ZPBP: variants seen among roughly 807,000 people sequenced by gnomAD.
ZPBP encodes zona pellucida-binding protein 1.
A neutral mutation model predicts 44.8 loss-of-function variants in ZPBP; 26 were observed. The ratio of observed to expected loss-of-function variants is 0.58; its 90% CI spans 0.43 to 0.81. The LOEUF (loss-of-function observed/expected upper bound fraction) is 0.81. Ranked by LOEUF, ZPBP falls within the 30% of genes least tolerant of loss-of-function variation. The pLI is 0.00. For missense variants in ZPBP, 409 were observed against 434.0 expected (o/e 0.94, Z 0.51); for synonymous variants, 174 against 153.2 (o/e 1.14, Z -1.00).
Position 49,980,330 on chromosome 7 carries a change from T to A in ZPBP, c.961+3012A>T, listed in dbSNP as rs1192135158. Among the ~76,000 whole-genome samples, 5 of 134,510 alleles carry A rather than the reference T, an allele frequency of 3.7e-5. No individual in the cohort carries two copies. In the East Asian group the frequency reaches 1.0e-3, roughly 27 times the overall value. 88.2% of individuals were successfully genotyped at this position (134,510 alleles called of 152,430 possible). A position where few individuals can be genotyped will look rare whatever the true frequency, so the allele number is the denominator to read the frequency against. ...TAATATAAATATATAATATATAACA[T>A]ATATTATATAATACATAATATAAAA... On this transcript the variant is annotated intron_variant, in intron 7 of 7. Coordinates refer to ENST00000046087, the MANE Select transcript of ZPBP (RefSeq NM_007009.3).
At chr7:50,080,888 T>C (rs920915400) in intron 3 of ZPBP, among the ~76,000 whole-genome samples, 5 of 151,836 alleles carry the variant, frequency 3.3e-5, no homozygotes, top group Middle Eastern at 3.4e-3. Flanking sequence ...CCATAAAACC[T>C]AGCACAGCGG....
chr7:50,079,027 T>C (rs1802240918), intron 3 of ZPBP, among the ~76,000 whole-genome samples: 1 of 150,870 alleles, frequency 6.6e-6, no homozygotes, highest in South Asian at 2.1e-4. Flanking sequence ...CAGGAGTGAA[T>C]GAGGACACAT....
At chr7:50,008,812 C>T (rs577520806) in intron 6 of ZPBP, among the ~76,000 whole-genome samples, 1 of 152,132 alleles carries the variant, frequency 6.6e-6, no homozygotes, top group South Asian at 2.1e-4. Context: ...AAAAGATGTC[C>T]ACCCTCACCA....
chr7:50,057,142 A>G (rs1800981739), intron 4 of ZPBP, among the ~76,000 whole-genome samples: 1 of 149,900 alleles, frequency 6.7e-6, no homozygotes, highest in Admixed American at 6.7e-5. Context: ...CTGAGATCGC[A>G]CCACTGCACA....
At chr7:49,990,496 T>C (rs1797515247) in intron 6 of ZPBP, among the ~76,000 whole-genome samples, 1 of 152,152 alleles carries the variant, frequency 6.6e-6, no homozygotes, top group Non-Finnish European at 1.5e-5. Context: ...GCTCCCCTCT[T>C]TCTAGATGAG....
intron 2 of ZPBP, among the ~76,000 whole-genome samples, chr7:50,084,893 A>C (rs1446942452): frequency 6.6e-6 from 1 of 152,064 alleles, no homozygotes; most frequent in African/African-American, 2.4e-5. Flanking sequence ...ATCAGAAAAA[A>C]CATTTCCAGA....
At chr7:49,886,630 G>C (rs769690970) in intron 2 of ZPBP, among the ~76,000 whole-genome samples, 1 of 152,106 alleles carries the variant, frequency 6.6e-6, no homozygotes, top group Admixed American at 6.5e-5. Flanking sequence ...AGGTTCAGGG[G>C]TACATGGGCA....
chr7:50,059,366 C>A (rs1303690280), intron 3 of ZPBP, among the ~76,000 whole-genome samples: 1 of 152,090 alleles, frequency 6.6e-6, no homozygotes, highest in Non-Finnish European at 1.5e-5. Flanking sequence ...GATGAATATA[C>A]CCACCCTCAA....
chr7:49,988,350 T>C (rs898460617), intron 6 of ZPBP, among the ~76,000 whole-genome samples: 2 of 152,184 alleles, frequency 1.3e-5, no homozygotes, highest in African/African-American at 4.8e-5. Context: ...ACCTAGCTTT[T>C]AGATGCTACA....
intron 2 of ZPBP, among the ~76,000 whole-genome samples, chr7:49,893,808 T>C (rs1261644313): frequency 2.0e-5 from 3 of 152,192 alleles, no homozygotes; most frequent in Non-Finnish European, 4.4e-5. Flanking sequence ...TTACAATAAG[T>C]TACAGAAAAA....
At chr7:50,052,453 A>G (rs920691401) in intron 4 of ZPBP, among the ~76,000 whole-genome samples, 19 of 152,268 alleles carry the variant, frequency 1.2e-4, no homozygotes, top group African/African-American at 4.1e-4. Flanking sequence ...TATAACACCA[A>G]TTGCTGGTGG....
chr7:50,031,310 G>A lies in ZPBP; in HGVS notation c.488C>T (p.Ala163Val), dbSNP rs750943883. The stretch of plus-strand genomic sequence containing the variant: ...ATAATAATAATGAGGCTCACGATAA[G>A]CTGTAAAAAATTAACAAGAGAAAGA... The part of the protein sequence containing the change: ...KRLQLKYAIY[A>V]YREPHYYYQF... Residue 163 changes from alanine (A) to valine (V), a missense_variant and splice_region_variant, in exon 5 of 8, where the codon GCT (alanine) becomes GTT (valine). Ala to Val is a moderately conservative substitution (Grantham distance 64, BLOSUM62 0). This residue lies in a region of ZPBP where 367 missense variants were observed against 363.1 expected (regional missense o/e 1.01). Coordinates refer to ENST00000046087, the MANE Select transcript of ZPBP (RefSeq NM_007009.3). The A allele has an allele frequency of 1.9e-6, 3 of 1,607,396 alleles. No homozygotes were observed. The highest frequency in any genetic ancestry group is 1.7e-5 in the Admixed American group (1 of 59,546).
At chr7:50,009,281 T>C (rs537548818) in intron 6 of ZPBP, among the ~76,000 whole-genome samples, 1 of 150,010 alleles carries the variant, frequency 6.7e-6, no homozygotes, top group East Asian at 2.0e-4. Flanking sequence ...TTTTGTAAAT[T>C]CTTAAAACTT....
intron 6 of ZPBP, among the ~76,000 whole-genome samples, chr7:50,003,753 A>G (rs183328345): frequency 2.3e-4 from 35 of 152,290 alleles, no homozygotes; most frequent in African/African-American, 8.4e-4. Context: ...CCACAGAGAC[A>G]AGGAAAAGTG....
intron 2 of ZPBP, among the ~76,000 whole-genome samples, chr7:49,883,175 G>C (rs920218348): frequency 6.6e-6 from 1 of 152,038 alleles, no homozygotes; most frequent in African/African-American, 2.4e-5. Context: ...ATGCAGGTTT[G>C]AGCTTGAGGA....
At chr7:49,844,658 AG>A in the ZPBP span, among the ~76,000 whole-genome samples, 2 of 152,164 alleles carry the variant, frequency 1.3e-5, no homozygotes, top group African/African-American at 4.8e-5. Context: ...GACACGTAGC[AG>A]CCACATTACC....
intron 1 of ZPBP, among the ~76,000 whole-genome samples, chr7:49,924,132 T>TA (rs1794137352): frequency 1.3e-5 from 2 of 148,394 alleles, no homozygotes; most frequent in African/African-American, 5.1e-5. Context: ...CAAATAATAA[T>TA]AATAAATAAT....
intron 7 of ZPBP, among the ~76,000 whole-genome samples, chr7:49,940,326 A>G (rs1794819782): frequency 6.6e-6 from 1 of 152,210 alleles, no homozygotes; most frequent in South Asian, 2.1e-4. Context: ...AATATTATTC[A>G]GAATATATAA....
Position 49,962,166 on chromosome 7 carries a change from A to AAT in ZPBP, c.961+21174_961+21175dup, listed in dbSNP as rs1407657784. On this transcript the variant is annotated intron_variant, in intron 7 of 7. Transcript: ENST00000046087. ...CTCATTTCTGAAACAGCAGTGCCCT[A>AAT]ATACTAAAATTTTACAAAAATTTAC... Among the ~76,000 whole-genome samples, 5 of 152,086 alleles carry AAT rather than the reference A, an allele frequency of 3.3e-5. No homozygotes were observed. In the South Asian group the frequency reaches 1.0e-3, roughly 32 times the overall value.
Sources: gnomAD v4.1 joint callset for allele counts (sites outside exome capture counted in the v4.1 genomes callset) on GRCh38, gnomAD v4.1.1 for gene constraint, gnomAD v4.1.1 regional missense constraint, MANE v1.5 for transcripts, NCBI Gene and HGNC (gene_info 2026-07-23, HGNC 2026-07-21) for gene names.